PDE1A: variants seen among roughly 807,000 people sequenced by gnomAD.
PDE1A encodes phosphodiesterase 1A.
A neutral mutation model predicts 61.7 loss-of-function variants in PDE1A; 35 were observed. That is an observed-to-expected ratio of 0.57 (90% CI 0.43 to 0.75). The LOEUF is 0.75. Among genes scored for constraint, PDE1A ranks in the 30% least tolerant of loss-of-function variants. PDE1A has a pLI of 0.00. For missense variants in PDE1A, 597 were observed against 630.6 expected (o/e 0.95, Z 0.57); for synonymous variants, 232 against 213.2 (o/e 1.09, Z -0.77).
chr2:182,478,284 T>G (rs890998410), intron 2 of PDE1A, among the ~76,000 whole-genome samples: 1 of 151,880 alleles, frequency 6.6e-6, no homozygotes, highest in Non-Finnish European at 1.5e-5. Context: ...TCAATACATT[T>G]ATGATAAAAC....
intron 10 of PDE1A, among the ~76,000 whole-genome samples, chr2:182,195,564 C>G (rs1270003523): frequency 6.6e-6 from 1 of 152,124 alleles, no homozygotes; most frequent in Non-Finnish European, 1.5e-5. Context: ...TACATTTAAA[C>G]TGTAGCTGAG....
At chr2:182,237,828 C>G (rs1020405750) in intron 3 of PDE1A, among the ~76,000 whole-genome samples, 1 of 152,112 alleles carries the variant, frequency 6.6e-6, no homozygotes. Flanking sequence ...CAGGAAAGAG[C>G]TTAGAAATGT....
intron 13 of PDE1A, among the ~76,000 whole-genome samples, chr2:182,176,627 G>A (rs1267808123): frequency 1.4e-5 from 2 of 147,556 alleles, no homozygotes; most frequent in East Asian, 3.9e-4. Context: ...CATGTCGTCT[G>A]CAAACAGGGA....
At chr2:182,463,422 C>T (rs902880844) in intron 2 of PDE1A, among the ~76,000 whole-genome samples, 1 of 152,122 alleles carries the variant, frequency 6.6e-6, no homozygotes, top group Non-Finnish European at 1.5e-5. Context: ...CGTTATCCCT[C>T]GGCCTTCAAC....
chr2:182,622,480 C>G, the PDE1A span, among the ~76,000 whole-genome samples: 1 of 152,164 alleles, frequency 6.6e-6, no homozygotes, highest in Non-Finnish European at 1.5e-5. Flanking sequence ...GAAGTAAGTT[C>G]TTAGCAAGCC....
the PDE1A span, among the ~76,000 whole-genome samples, chr2:182,641,222 GGAA>G: frequency 5.5e-4 from 84 of 152,044 alleles, no homozygotes; most frequent in African/African-American, 1.9e-3. Flanking sequence ...AGGAGAAGTG[GGAA>G]GAAGAATGTA....
In PDE1A at chr2:182,475,606, A is replaced by C. The variant is rs139427615; in HGVS notation, c.101+46670T>G. On this transcript the variant is annotated intron_variant, in intron 2 of 14. Transcript: ENST00000410103. ...GGTTATAGTTTTTGTGACTGAAATT[A>C]TCTCTTAGGAAACAAGCACGGGCTA... 3.7e-3 allele frequency among the ~76,000 whole-genome samples: 565 copies of C among 152,070 alleles called. 1 individual carries two copies. Among genetic ancestry groups the C allele is most frequent in the African/African-American group, 0.013 (532 of 41,530 alleles).
chr2:182,671,240 C>T, the PDE1A span, among the ~76,000 whole-genome samples: 8 of 151,580 alleles, frequency 5.3e-5, no homozygotes, highest in African/African-American at 1.9e-4. Context: ...GGCGCGATCT[C>T]AGCTCACTGC....
intron 1 of PDE1A, among the ~76,000 whole-genome samples, chr2:182,409,225 C>T (rs1168877877): frequency 6.6e-6 from 1 of 152,166 alleles, no homozygotes; most frequent in East Asian, 1.9e-4. Context: ...TCAGTGTCTC[C>T]TAACTCTCAC....
chr2:182,372,123 AT>A (rs1228696782), intron 1 of PDE1A, among the ~76,000 whole-genome samples: 2 of 152,094 alleles, frequency 1.3e-5, no homozygotes, highest in Non-Finnish European at 2.9e-5. Flanking sequence ...AATTGGCATA[AT>A]TTTTTTCAAA....
At chr2:182,589,502 G>A in the PDE1A span, among the ~76,000 whole-genome samples, 1 of 152,060 alleles carries the variant, frequency 6.6e-6, no homozygotes, top group Non-Finnish European at 1.5e-5. Flanking sequence ...AAAAGCAGGG[G>A]TATTCTGTCA....
At chr2:182,593,723 A>C in the PDE1A span, among the ~76,000 whole-genome samples, 3 of 152,178 alleles carry the variant, frequency 2.0e-5, no homozygotes, top group South Asian at 6.2e-4. Context: ...GTTTGTCTCT[A>C]CCACTGGGAC....
chr2:182,371,920 G>T (rs964133948), intron 1 of PDE1A, among the ~76,000 whole-genome samples: 9 of 152,208 alleles, frequency 5.9e-5, no homozygotes, highest in African/African-American at 2.2e-4. Flanking sequence ...GAGTAGCTAG[G>T]ACCACAGGCA....
At chr2:182,679,182 A>ATTTTTT in the PDE1A span, among the ~76,000 whole-genome samples, 5 of 141,044 alleles carry the variant, frequency 3.5e-5, no homozygotes, top group African/African-American at 1.4e-4. Context: ...TATTATTATT[A>ATTTTTT]TTATTATTAT....
chr2:182,393,003 A>G (rs1290288046), intron 1 of PDE1A, among the ~76,000 whole-genome samples: 1 of 152,250 alleles, frequency 6.6e-6, no homozygotes, highest in Non-Finnish European at 1.5e-5. Flanking sequence ...TCTGGAGAAC[A>G]GTAGCCTTCT....
At chr2:182,664,879 T>C in the PDE1A span, among the ~76,000 whole-genome samples, 1 of 150,672 alleles carries the variant, frequency 6.6e-6, no homozygotes, top group Non-Finnish European at 1.5e-5. Context: ...TAGTATCTCT[T>C]TTTCATTCTC....
the PDE1A span, among the ~76,000 whole-genome samples, chr2:182,675,522 G>C: frequency 5.9e-5 from 9 of 152,172 alleles, no homozygotes; most frequent in East Asian, 1.7e-3. Flanking sequence ...GGTCTTTGAG[G>C]AATTGCCATG....
At chr2:182,623,840 G>A in the PDE1A span, among the ~76,000 whole-genome samples, 4 of 152,054 alleles carry the variant, frequency 2.6e-5, no homozygotes, top group Non-Finnish European at 5.9e-5. Flanking sequence ...TAGATAAGAA[G>A]ACAGGCCAGG....
intron 1 of PDE1A, among the ~76,000 whole-genome samples, chr2:182,334,657 A>G (rs1025214816): frequency 6.6e-6 from 1 of 152,236 alleles, no homozygotes; most frequent in African/African-American, 2.4e-5. Flanking sequence ...TGACAAACCT[A>G]CAGCCAATAT....
Sources: gnomAD v4.1 joint callset for allele counts (sites outside exome capture counted in the v4.1 genomes callset) on GRCh38, gnomAD v4.1.1 for gene constraint, MANE v1.5 for transcripts, NCBI Gene and HGNC (gene_info 2026-07-23, HGNC 2026-07-21) for gene names.